Variants in LGSN observed in about 807,000 individuals in gnomAD.
LGSN encodes the protein lengsin, lens protein with glutamine synthetase domain.
Under a neutral mutation model 19.5 loss-of-function variants are expected in LGSN, and 21 were observed. That is an observed-to-expected ratio of 1.07 (90% CI 0.76 to 1.55). The LOEUF (loss-of-function observed/expected upper bound fraction) is 1.55, where lower values mean the gene tolerates loss of function less well. Among genes scored for constraint, LGSN ranks in the 40% most tolerant of loss-of-function variants. LGSN has a pLI of 0.00. For synonymous variants in LGSN, 257 were observed against 215.6 expected (o/e 1.19, Z -1.68); for missense variants, 673 against 608.5 (o/e 1.11, Z -1.12).
the LGSN span, among the ~76,000 whole-genome samples, chr6:63,329,042 G>A: frequency 7.6e-4 from 115 of 152,302 alleles, no homozygotes; most frequent in Middle Eastern, 3.4e-3. Flanking sequence ...CTGGGCCTTC[G>A]ACCTAGACAA....
the LGSN span, among the ~76,000 whole-genome samples, chr6:63,506,770 G>C: frequency 1.3e-5 from 2 of 152,194 alleles, no homozygotes; most frequent in Admixed American, 6.5e-5. Flanking sequence ...CATAAAAACA[G>C]CTTGAGCTAC....
chr6:63,522,230 A>G, the LGSN span, among the ~76,000 whole-genome samples: 8 of 152,216 alleles, frequency 5.3e-5, no homozygotes, highest in African/African-American at 1.9e-4. Flanking sequence ...AAGGGCTACA[A>G]TATATGGCAA....
the LGSN span, among the ~76,000 whole-genome samples, chr6:63,541,910 G>A: frequency 1.3e-5 from 2 of 151,908 alleles, no homozygotes; most frequent in African/African-American, 2.4e-5. Context: ...ATTTCCTGGT[G>A]TCTCCCATCT....
At chr6:63,503,796 G>T in the LGSN span, among the ~76,000 whole-genome samples, 1 of 152,094 alleles carries the variant, frequency 6.6e-6, no homozygotes, top group Admixed American at 6.6e-5. Flanking sequence ...CCTGCCTCTA[G>T]TCTCAGCTAC....
At chr6:63,478,199 CTAATTTAAGTT>C in the LGSN span, among the ~76,000 whole-genome samples, 1 of 152,064 alleles carries the variant, frequency 6.6e-6, no homozygotes, top group African/African-American at 2.4e-5. Flanking sequence ...AGTTGACTGT[CTAATTTAAGTT>C]AAACCAAAAA....
chr6:63,479,957 G>C, the LGSN span, among the ~76,000 whole-genome samples: 1 of 152,086 alleles, frequency 6.6e-6, no homozygotes, highest in Non-Finnish European at 1.5e-5. Flanking sequence ...ATAAAACAAA[G>C]CAAAACTGTG....
the LGSN span, among the ~76,000 whole-genome samples, chr6:63,383,024 T>A: frequency 6.6e-6 from 1 of 152,222 alleles, no homozygotes; most frequent in African/African-American, 2.4e-5. Context: ...TACAGGCATA[T>A]GTATCTCAAA....
chr6:63,295,048 G>T lies in LGSN; in HGVS notation c.31-3C>A, dbSNP rs770371361. On this transcript the variant is annotated splice_polypyrimidine_tract_variant and splice_region_variant and intron_variant, in intron 1 of 3. Coordinates refer to ENST00000370657, the MANE Select transcript of LGSN (RefSeq NM_016571.3). ...TTGCCTTCATCTCTTGTTGAGTCCT[G>T]TTGATAATTAATAAACAAAAAGCCA... The T allele has an allele frequency of 1.9e-6, 3 of 1,611,412 alleles. No individual in the cohort carries two copies. The highest frequency in any genetic ancestry group is 2.2e-5 in the South Asian group (2 of 90,886).
At chr6:63,470,185 T>C in the LGSN span, among the ~76,000 whole-genome samples, 1 of 151,758 alleles carries the variant, frequency 6.6e-6, no homozygotes, top group Non-Finnish European at 1.5e-5. Context: ...CTCAGACTTA[T>C]GGTCGGGTAC....
chr6:63,320,071 G>A (rs1467321393), upstream of LGSN: 2 of 708,170 alleles, frequency 2.8e-6, no homozygotes, highest in Non-Finnish European at 5.0e-6. Flanking sequence ...TTCCAGAGGG[G>A]TCTGGCAGGT....
the LGSN span, among the ~76,000 whole-genome samples, chr6:63,489,741 T>C: frequency 1.3e-5 from 2 of 151,702 alleles, no homozygotes; most frequent in East Asian, 1.9e-4. Context: ...GGAGTCTCAC[T>C]CTGCACCCAG....
At chr6:63,458,944 T>TTG in the LGSN span, among the ~76,000 whole-genome samples, 1 of 152,218 alleles carries the variant, frequency 6.6e-6, no homozygotes, top group Non-Finnish European at 1.5e-5. Context: ...TATGTAAAGT[T>TTG]TGTAATAATG....
chr6:63,552,617 T>C, the LGSN span, among the ~76,000 whole-genome samples: 3 of 152,256 alleles, frequency 2.0e-5, no homozygotes, highest in Admixed American at 6.5e-5. Flanking sequence ...CCCATGCCTA[T>C]GTCCTGAATG....
chr6:63,556,820 T>C, the LGSN span, among the ~76,000 whole-genome samples: 1 of 152,284 alleles, frequency 6.6e-6, no homozygotes, highest in Non-Finnish European at 1.5e-5. Context: ...AATGCCCAAA[T>C]ATAACAAGCA....
the LGSN span, among the ~76,000 whole-genome samples, chr6:63,506,545 G>A: frequency 1.3e-5 from 2 of 152,180 alleles, no homozygotes; most frequent in African/African-American, 4.8e-5. Flanking sequence ...TTACAGGCAT[G>A]AGCCACTGTG....
the LGSN span, among the ~76,000 whole-genome samples, chr6:63,519,659 G>A: frequency 6.6e-6 from 1 of 152,094 alleles, no homozygotes; most frequent in Non-Finnish European, 1.5e-5. Context: ...TAAAAAGTAG[G>A]ACATGAAAAT....
the LGSN span, among the ~76,000 whole-genome samples, chr6:63,462,627 G>GT: frequency 1.3e-5 from 2 of 152,132 alleles, no homozygotes; most frequent in Non-Finnish European, 2.9e-5. Context: ...CTAGATTTTG[G>GT]TTTTTGTTCT....
At chr6:63,321,599 C>T (rs1037771602), upstream of LGSN, among the ~76,000 whole-genome samples, 1 of 151,932 alleles carries the variant, frequency 6.6e-6, no homozygotes, top group Non-Finnish European at 1.5e-5. Flanking sequence ...CTTGATTTGC[C>T]CATTTTTGTA....
chr6:63,367,161 G>A, the LGSN span, among the ~76,000 whole-genome samples: 4 of 152,112 alleles, frequency 2.6e-5, no homozygotes, highest in South Asian at 8.3e-4. Flanking sequence ...GCAACCTACA[G>A]AATGGGAGAA....
Sources: allele counts gnomAD v4.1 joint callset (sites outside exome capture counted in the v4.1 genomes callset), GRCh38; gene constraint gnomAD v4.1.1; transcripts MANE v1.5; gene names NCBI Gene and HGNC (gene_info 2026-07-23, HGNC 2026-07-21).